Variants in OSBPL8 observed in about 807,000 individuals in gnomAD.
The protein encoded by OSBPL8 is oxysterol binding protein like 8, also known as oxysterol-binding protein-related protein 8.
OSBPL8 carries 59 observed loss-of-function variants against 125.5 expected under a neutral mutation model. The observed-to-expected ratio is 0.47, with a 90% CI of 0.38 to 0.58. The LOEUF (loss-of-function observed/expected upper bound fraction) is 0.58. OSBPL8 is among the 20% of genes least tolerant of loss of function. The pLI is 0.00. For missense variants in OSBPL8, 758 were observed against 1,047.8 expected (o/e 0.72, Z 3.82); for synonymous variants, 330 against 338.9 (o/e 0.97, Z 0.29).
intron 1 of OSBPL8, among the ~76,000 whole-genome samples, chr12:76,497,275 C>T (rs1370996187): frequency 6.6e-6 from 1 of 150,614 alleles, no homozygotes; most frequent in Non-Finnish European, 1.5e-5. Context: ...TCTATTGCAA[C>T]TACTTAGTTC....
intron 4 of OSBPL8, among the ~76,000 whole-genome samples, chr12:76,446,542 A>C (rs577636413): frequency 7.2e-5 from 11 of 152,288 alleles, no homozygotes; most frequent in Admixed American, 3.3e-4. Context: ...GGCTGCTTTA[A>C]ATTAGAGGGT....
chr12:76,529,353 T>A (rs1565973997), intron 1 of OSBPL8, among the ~76,000 whole-genome samples: 1 of 152,052 alleles, frequency 6.6e-6, no homozygotes, highest in Non-Finnish European at 1.5e-5. Context: ...CAAAAACAAA[T>A]CAGTTGGTGA....
intron 1 of OSBPL8, among the ~76,000 whole-genome samples, chr12:76,502,251 T>C (rs551733984): frequency 6.6e-6 from 1 of 152,298 alleles, no homozygotes; most frequent in East Asian, 1.9e-4. Flanking sequence ...AGTGACATCA[T>C]CCACTATTAC....
intron 1 of OSBPL8, among the ~76,000 whole-genome samples, chr12:76,494,774 G>C (rs1312327634): frequency 2.0e-5 from 3 of 152,150 alleles, no homozygotes; most frequent in African/African-American, 7.2e-5. Context: ...TTAGTTTTAG[G>C]AATATTAAGT....
intron 8 of OSBPL8, among the ~76,000 whole-genome samples, chr12:76,394,984 A>C (rs1953730413): frequency 6.6e-6 from 1 of 152,180 alleles, no homozygotes; most frequent in African/African-American, 2.4e-5. Context: ...TACTGCTTAC[A>C]TACTAAAGAG....
At chr12:76,556,273 G>C (rs1592917847) in intron 1 of OSBPL8, among the ~76,000 whole-genome samples, 1 of 152,034 alleles carries the variant, frequency 6.6e-6, no homozygotes, top group Non-Finnish European at 1.5e-5. Flanking sequence ...CTTCGACAAA[G>C]GTAAAAATAA....
At chr12:76,484,428 A>G (rs1165090936) in intron 2 of OSBPL8, among the ~76,000 whole-genome samples, 1 of 152,194 alleles carries the variant, frequency 6.6e-6, no homozygotes, top group Non-Finnish European at 1.5e-5. Flanking sequence ...ATCTTTTTGT[A>G]GAGAAGGCTT....
At chr12:76,450,178 T>C (rs1423919180) in intron 4 of OSBPL8, among the ~76,000 whole-genome samples, 1 of 152,208 alleles carries the variant, frequency 6.6e-6, no homozygotes, top group Non-Finnish European at 1.5e-5. Context: ...ACATTTCTGG[T>C]TGTCACAACT....
chr12:76,384,481 A>G (rs986715147), intron 14 of OSBPL8, 131 bp from the exon 15 acceptor site: 2 of 465,850 alleles, frequency 4.3e-6, no homozygotes, highest in Non-Finnish European at 7.1e-6. Flanking sequence ...AAAACATTTA[A>G]TAAGTAGTAA....
chr12:76,474,430 C>G (rs1447307278), intron 2 of OSBPL8, among the ~76,000 whole-genome samples: 1 of 150,544 alleles, frequency 6.6e-6, no homozygotes, highest in Non-Finnish European at 1.5e-5. Flanking sequence ...TGTATGTACA[C>G]ACATACATAT....
At chr12:76,541,056 T>C (rs556360550) in intron 1 of OSBPL8, among the ~76,000 whole-genome samples, 17 of 152,238 alleles carry the variant, frequency 1.1e-4, no homozygotes, top group Non-Finnish European at 2.5e-4. Context: ...CAACGGCTAC[T>C]ATCCCTAGTG....
chr12:76,536,830 A>C (rs1292961430), intron 1 of OSBPL8, among the ~76,000 whole-genome samples: 5 of 151,806 alleles, frequency 3.3e-5, no homozygotes, highest in East Asian at 1.9e-4. Flanking sequence ...AAAAAAAAAA[A>C]AAAAACGAGT....
At chr12:76,422,277 C>T (rs1339471062) in intron 4 of OSBPL8, among the ~76,000 whole-genome samples, 3 of 151,916 alleles carry the variant, frequency 2.0e-5, no homozygotes, top group Non-Finnish European at 2.9e-5. Flanking sequence ...AAATTTATGC[C>T]GTAAGCACTC....
chr12:76,367,852 C>T (rs2136181559), intron 21 of OSBPL8, among the ~76,000 whole-genome samples: 1 of 152,264 alleles, frequency 6.6e-6, no homozygotes, highest in Non-Finnish European at 1.5e-5. Context: ...ATCCTCTCTG[C>T]TTTTATGTTG....
chr12:76,386,245 G>T lies in OSBPL8; in HGVS notation c.1456C>A (p.Pro486Thr). The change falls in exon 14 of 24, where the codon CCT becomes ACT. Residue 486 changes from proline to threonine, a missense_variant. Pro to Thr is a conservative substitution (Grantham distance 38). Transcript: ENST00000261183. The stretch of plus-strand genomic sequence containing the variant: ...CAACGGAAAGTCTCGCCAAGTATAG[G>T]ATTATAAGGTTTCTTCAGTCCCTGG... The part of the protein sequence containing the change: ...KPKGLKKPYN[P>T]ILGETFRCLW... The T allele has an allele frequency of 2.5e-6, 4 of 1,600,512 alleles. No individual in the cohort carries two copies. The highest frequency in any genetic ancestry group is 3.4e-6 in the Non-Finnish European group (4 of 1,175,880).
chr12:76,477,918 T>C (rs1184624902), intron 2 of OSBPL8, among the ~76,000 whole-genome samples: 1 of 151,930 alleles, frequency 6.6e-6, no homozygotes, highest in Non-Finnish European at 1.5e-5. Context: ...ACAAAAGAAT[T>C]CATGGCCGGG....
At chr12:76,409,274 A>G (rs1954407951) in intron 5 of OSBPL8, among the ~76,000 whole-genome samples, 1 of 152,172 alleles carries the variant, frequency 6.6e-6, no homozygotes, top group Non-Finnish European at 1.5e-5. Context: ...TGCTCTACCT[A>G]TCCTTAGAAG....
chr12:76,406,099 T>C (rs1954252054), intron 5 of OSBPL8, among the ~76,000 whole-genome samples: 1 of 152,156 alleles, frequency 6.6e-6, no homozygotes, highest in South Asian at 2.1e-4. Context: ...ACTTAGTACT[T>C]GGTAATATAT....
At chr12:76,363,906 A>G (rs1952305445) in intron 21 of OSBPL8, among the ~76,000 whole-genome samples, 1 of 152,168 alleles carries the variant, frequency 6.6e-6, no homozygotes, top group African/African-American at 2.4e-5. Context: ...ATGAAAAAAA[A>G]TAATCACTGG....
Sources: gnomAD v4.1 joint callset for allele counts (sites outside exome capture counted in the v4.1 genomes callset) on GRCh38, gnomAD v4.1.1 for gene constraint, MANE v1.5 for transcripts, NCBI Gene and HGNC (gene_info 2026-07-23, HGNC 2026-07-21) for gene names.